TOX2: variants seen among roughly 807,000 people sequenced by gnomAD.
TOX2 encodes the protein TOX high mobility group box family member 2.
Under a neutral mutation model 47.4 loss-of-function variants are expected in TOX2, and 15 were observed. That is an observed-to-expected ratio of 0.32 (90% confidence interval 0.21 to 0.49). TOX2 has a LOEUF of 0.49. TOX2 is among the 20% of genes least tolerant of loss of function. The pLI, the probability that TOX2 is intolerant of heterozygous loss-of-function variation, is 0.99. For synonymous variants in TOX2, 290 were observed against 296.6 expected (o/e 0.98, Z 0.23); for missense variants, 622 against 673.1 (o/e 0.92, Z 0.84).
chr20:43,931,107 C>T (rs1175172384), intron 1 of TOX2, among the ~76,000 whole-genome samples: 3 of 152,168 alleles, frequency 2.0e-5, no homozygotes, highest in Non-Finnish European at 4.4e-5. Context: ...GTGTTTCCCA[C>T]CCACCAGGCA....
intron 2 of TOX2, among the ~76,000 whole-genome samples, chr20:43,995,951 T>C (rs981174097): frequency 4.6e-5 from 7 of 152,212 alleles, no homozygotes; most frequent in African/African-American, 9.7e-5. Flanking sequence ...CCATGTTTGT[T>C]GTGAATAGTC....
chr20:43,999,732 A>G (rs532612273), intron 2 of TOX2, among the ~76,000 whole-genome samples: 2 of 152,358 alleles, frequency 1.3e-5, no homozygotes, highest in Admixed American at 6.5e-5. Flanking sequence ...CTGATCCTCA[A>G]ATTCATATGG....
rs1430637247 is a variant in TOX2, at chr20:44,010,444, T to A, written c.411+3652T>A. ...CACTGAATTTTATATTTTCTCTTTA[T>A]GTCATGAAAGATAAGCCAAACTCTA... On this transcript the variant is annotated intron_variant, in intron 3 of 8. Coordinates refer to ENST00000341197, the MANE Select transcript of TOX2 (RefSeq NM_001098797.2). Among the ~76,000 whole-genome samples, 10 of 152,242 alleles carry A rather than the reference T, an allele frequency of 6.6e-5. No homozygotes were observed. The East Asian group carries it at 1.7e-3, about 26-fold the overall frequency.
intron 3 of TOX2, among the ~76,000 whole-genome samples, chr20:44,025,066 G>A (rs2071038990): frequency 6.6e-6 from 1 of 152,106 alleles, no homozygotes; most frequent in Non-Finnish European, 1.5e-5. Context: ...TTAACCTTCT[G>A]TTGATGGACA....
rs781700073 is a variant in TOX2 at position 43,973,426 on chromosome 20, C to G, written c.159C>G (p.Thr53=). 1.2e-6 allele frequency: 2 copies of G among 1,614,138 alleles called. No individual in the cohort carries two copies. The highest frequency in any genetic ancestry group is 3.3e-5 in the Admixed American group (2 of 60,032). The change falls in exon 2 of 9, where the codon ACC becomes ACG. Residue 53 remains threonine (T), a synonymous_variant. Transcript: ENST00000341197. ...MSDGNPELLS[T]SQTYNGQSEN... ...ACGGAAACCCAGAGCTCCTGTCAAC[C>G]AGCCAGGTGGGTGCCTCATCCTCCC...
At chr20:44,046,728 A>G (rs1054181313) in intron 3 of TOX2, among the ~76,000 whole-genome samples, 5 of 152,246 alleles carry the variant, frequency 3.3e-5, no homozygotes, top group African/African-American at 1.2e-4. Flanking sequence ...AAAGTAGTCA[A>G]AACTGTTTAT....
chr20:43,978,890 G>A lies in TOX2; in HGVS notation c.165+5458G>A, dbSNP rs79551139. On this transcript the variant is annotated intron_variant, in intron 2 of 8. Transcript: ENST00000341197. Reference sequence around the variant, plus strand: ...AATGAATACAGGGAGACCAAGTTGAGAGGGTTGGTAATAGGCCAAGTAAAG... The same window carrying A: ...AATGAATACAGGGAGACCAAGTTGAAAGGGTTGGTAATAGGCCAAGTAAAG... Among the ~76,000 whole-genome samples, 1,124 of 152,228 alleles carry A rather than the reference G, an allele frequency of 7.4e-3. 7 individuals carry two copies. Among genetic ancestry groups the A allele is most frequent in the Non-Finnish European group, 0.012 (796 of 68,012 alleles).
rs542505601 is a variant in TOX2 at position 44,069,197 on chromosome 20, C to T, written c.*511C>T. 7 of 264,180 alleles carry T rather than the reference C, an allele frequency of 2.6e-5. No individual in the cohort carries two copies. Among genetic ancestry groups the T allele is most frequent in the African/African-American group, 1.3e-4 (6 of 45,328 alleles). 16.4% of individuals were successfully genotyped at this position (264,180 alleles called of 1,614,324 possible). A position where few individuals can be genotyped will look rare whatever the true frequency, so the allele number is the denominator to read the frequency against. On this transcript the variant is annotated 3_prime_UTR_variant, in exon 9 of 9. Coordinates refer to ENST00000341197, the MANE Select transcript of TOX2 (RefSeq NM_001098797.2). ...TGTTTTAGAACTGTGCTGAAGACAT[C>T]TGTAAGACTATTTTGTGGGGGAAAA...
chr20:43,999,520 A>G (rs1428361908), intron 2 of TOX2, among the ~76,000 whole-genome samples: 1 of 152,252 alleles, frequency 6.6e-6, no homozygotes, highest in Non-Finnish European at 1.5e-5. Context: ...GAATAAATTT[A>G]ACCAGGAAGG....
intron 2 of TOX2, among the ~76,000 whole-genome samples, chr20:43,992,095 G>A (rs139635067): frequency 3.3e-5 from 5 of 152,328 alleles, no homozygotes; most frequent in Middle Eastern, 3.4e-3. Flanking sequence ...TTTGAGCAAC[G>A]ACTTGAAGGG....
intron 1 of TOX2, among the ~76,000 whole-genome samples, chr20:43,964,097 A>T (rs1056736138): frequency 1.8e-4 from 25 of 140,342 alleles, no homozygotes; most frequent in Admixed American, 4.9e-4. Flanking sequence ...AATGTAGTTT[A>T]AAAAAAAAAA....
At chr20:43,977,325 G>T (rs1339685232) in intron 2 of TOX2, among the ~76,000 whole-genome samples, 6 of 152,166 alleles carry the variant, frequency 3.9e-5, no homozygotes, top group African/African-American at 1.4e-4. Flanking sequence ...TGGCCAGGCT[G>T]GTCTTGAACT....
chr20:44,008,821 G>A (rs1569090597), intron 3 of TOX2, among the ~76,000 whole-genome samples: 1 of 152,166 alleles, frequency 6.6e-6, no homozygotes, highest in East Asian at 1.9e-4. Flanking sequence ...AATATCCAGG[G>A]GGTGGATACA....
intron 2 of TOX2, among the ~76,000 whole-genome samples, chr20:43,996,624 A>G (rs1384666215): frequency 6.6e-6 from 1 of 151,918 alleles, no homozygotes; most frequent in Non-Finnish European, 1.5e-5. Context: ...CTTGTTCTGC[A>G]TATCATCCGA....
At chr20:43,978,763 TTGTGTGTGTG>T (rs9305120) in intron 2 of TOX2, among the ~76,000 whole-genome samples, 3 of 146,602 alleles carry the variant, frequency 2.0e-5, no homozygotes, top group Admixed American at 1.4e-4. Context: ...TTGAAAGAAC[TTGTGTGTGTG>T]TGTGTGTGTG....
intron 1 of TOX2, among the ~76,000 whole-genome samples, chr20:43,971,364 C>G (rs953279301): frequency 7.2e-5 from 11 of 152,096 alleles, no homozygotes; most frequent in Non-Finnish European, 1.6e-4. Context: ...GAAGGCGGGG[C>G]GAGGGCGCGT....
intron 3 of TOX2, among the ~76,000 whole-genome samples, chr20:44,048,911 C>T (rs530125036): frequency 2.9e-4 from 44 of 152,288 alleles, no homozygotes; most frequent in African/African-American, 1.0e-3. Context: ...CCGAGGTGGG[C>T]AGATCACTTG....
chr20:43,962,092 G>T (rs1376139689), intron 1 of TOX2, among the ~76,000 whole-genome samples: 2 of 152,260 alleles, frequency 1.3e-5, no homozygotes, highest in African/African-American at 4.8e-5. Context: ...ATCGGGGATG[G>T]GAGAGAGCTC....
chr20:44,022,829 G>T (rs1296900489), intron 3 of TOX2, among the ~76,000 whole-genome samples: 1 of 152,116 alleles, frequency 6.6e-6, no homozygotes, highest in Non-Finnish European at 1.5e-5. Flanking sequence ...CCCTGAGTGG[G>T]GTGTCCTTGG....
Sources: allele counts gnomAD v4.1 joint callset (sites outside exome capture counted in the v4.1 genomes callset), GRCh38; gene constraint gnomAD v4.1.1; transcripts MANE v1.5; gene names NCBI Gene and HGNC (gene_info 2026-07-23, HGNC 2026-07-21).